CNTN1: variants seen among roughly 807,000 people sequenced by gnomAD.
CNTN1 encodes the protein contactin 1.
A neutral mutation model predicts 126.4 loss-of-function variants in CNTN1; 38 were observed. The ratio of observed to expected loss-of-function variants is 0.30; its 90% CI spans 0.23 to 0.39. The LOEUF (loss-of-function observed/expected upper bound fraction) is 0.39. CNTN1 is among the 10% of genes least tolerant of loss of function. The probability of loss-of-function intolerance (pLI) is 1.00; values close to 1 mark genes in which losing one functional copy is unlikely to be tolerated. For missense variants in CNTN1, 1,009 were observed against 1,248.4 expected (o/e 0.81, Z 2.89); for synonymous variants, 413 against 422.6 (o/e 0.98, Z 0.28).
intron 9 of CNTN1, among the ~76,000 whole-genome samples, chr12:40,936,050 T>C (rs1023754043): frequency 2.6e-5 from 4 of 152,154 alleles, no homozygotes; most frequent in African/African-American, 9.6e-5. Flanking sequence ...TTATTTGGAC[T>C]AGATAACTGA....
At chr12:40,931,762 G>A (rs1342728291) in intron 7 of CNTN1, among the ~76,000 whole-genome samples, 2 of 151,866 alleles carry the variant, frequency 1.3e-5, no homozygotes, top group South Asian at 2.1e-4. Flanking sequence ...AATAATGCAG[G>A]ACCCAGAGAT....
intron 1 of CNTN1, among the ~76,000 whole-genome samples, chr12:40,811,584 C>T (rs1043624565): frequency 8.0e-5 from 12 of 150,786 alleles, no homozygotes; most frequent in African/African-American, 2.2e-4. Context: ...GATTGCCTTA[C>T]TTGTATTTGT....
At chr12:40,846,100 G>GA (rs750288614) in intron 1 of CNTN1, among the ~76,000 whole-genome samples, 2 of 152,142 alleles carry the variant, frequency 1.3e-5, no homozygotes, top group Non-Finnish European at 2.9e-5. Flanking sequence ...GAGGAAGTTA[G>GA]AAAAACAGTA....
chr12:41,063,326 C>G (rs191857981), intron 23 of CNTN1, among the ~76,000 whole-genome samples: 1 of 152,318 alleles, frequency 6.6e-6, no homozygotes, highest in African/African-American at 2.4e-5. Flanking sequence ...TCCTGAAACA[C>G]GTTTTTCCAA....
intron 1 of CNTN1, among the ~76,000 whole-genome samples, chr12:40,769,029 C>T (rs1285477342): frequency 6.6e-6 from 1 of 151,954 alleles, no homozygotes; most frequent in Non-Finnish European, 1.5e-5. Context: ...CAGCATGAAC[C>T]AATCATCCCA....
rs375917799 is a variant in CNTN1 at position 41,042,304 on chromosome 12, T to C, written c.2980+13085T>C. ...GACAGTTTGTTATAATTTCTGTTCT[T>C]TTACATTTGCTGAGGAGTGCTTTAC... On this transcript the variant is annotated intron_variant, in intron 23 of 23. Coordinates refer to ENST00000551295, the MANE Select transcript of CNTN1 (RefSeq NM_001843.4). Among the ~76,000 whole-genome samples the C allele has an allele frequency of 7.9e-4, 121 of 152,258 alleles. 2 individuals carry two copies. The South Asian group carries it at 0.023, about 29-fold the overall frequency.
intron 1 of CNTN1, among the ~76,000 whole-genome samples, chr12:40,813,483 T>C (rs1941159645): frequency 6.6e-6 from 1 of 151,816 alleles, no homozygotes; most frequent in African/African-American, 2.4e-5. Context: ...GTGAGATCGA[T>C]GCCTTCCAAC....
chr12:40,813,105 T>A (rs1592115514), intron 1 of CNTN1, among the ~76,000 whole-genome samples: 1 of 147,492 alleles, frequency 6.8e-6, no homozygotes, highest in Admixed American at 6.8e-5. Context: ...CTCTTTCTTT[T>A]TTTCTTTCTT....
At chr12:40,884,040 C>A (rs909187112) in intron 1 of CNTN1, among the ~76,000 whole-genome samples, 2 of 151,306 alleles carry the variant, frequency 1.3e-5, no homozygotes, top group Non-Finnish European at 3.0e-5. Flanking sequence ...AATAATCATG[C>A]TTTGGTGTTA....
intron 12 of CNTN1, among the ~76,000 whole-genome samples, chr12:40,943,368 C>T (rs902130271): frequency 3.3e-5 from 5 of 151,706 alleles, no homozygotes; most frequent in Non-Finnish European, 4.4e-5. Context: ...TAGAAGACTA[C>T]GGCAATAGTT....
intron 1 of CNTN1, among the ~76,000 whole-genome samples, chr12:40,756,932 G>C (rs182833237): frequency 2.6e-5 from 4 of 152,190 alleles, no homozygotes; most frequent in African/African-American, 9.6e-5. Flanking sequence ...CCAGACTTGT[G>C]ATTACAGCCA....
intron 1 of CNTN1, among the ~76,000 whole-genome samples, chr12:40,835,799 T>TAC (rs10556497): frequency 0.23 from 32,804 of 142,248 alleles, 3,776 homozygotes; most frequent in East Asian, 0.46. Context: ...ATGCTATTTA[T>TAC]ACACACACAC....
chr12:40,791,715 C>T (rs933564604), intron 1 of CNTN1, among the ~76,000 whole-genome samples: 1 of 152,038 alleles, frequency 6.6e-6, no homozygotes, highest in Admixed American at 6.6e-5. Flanking sequence ...TACAAGATAA[C>T]GTAGATGTCA....
intron 1 of CNTN1, among the ~76,000 whole-genome samples, chr12:40,819,068 A>G (rs1050193919): frequency 6.6e-6 from 1 of 151,834 alleles, no homozygotes; most frequent in Admixed American, 6.6e-5. Context: ...TTCTTCTGGG[A>G]CCTCTGCCCT....
In CNTN1 at chr12:41,070,949, A is replaced by C. The variant is rs1157339786; in HGVS notation, c.*914A>C. The C allele has an allele frequency of 6.6e-6, 1 of 152,090 alleles. No homozygotes were observed. Among genetic ancestry groups the C allele is most frequent in the Non-Finnish European group, 1.5e-5 (1 of 67,998 alleles). The allele number at this position is 152,090 out of a possible 1,614,324, so 9.4% of individuals were successfully genotyped here. A position where few individuals can be genotyped will look rare whatever the true frequency, so the allele number is the denominator to read the frequency against. On this transcript the variant is annotated 3_prime_UTR_variant, in exon 24 of 24. Transcript: ENST00000551295. ...CATGGTTAGGAATAAGTGACAGTTA[A>C]GTGAATATCACAATTACTAGTATGT...
At chr12:40,955,398 A>G (rs569038358) in intron 14 of CNTN1, among the ~76,000 whole-genome samples, 2 of 152,174 alleles carry the variant, frequency 1.3e-5, no homozygotes, top group South Asian at 4.1e-4. Context: ...AAATTTTCAC[A>G]CCTTCCCAAT....
intron 4 of CNTN1, 128 bp downstream of exon 4, chr12:40,918,899 G>A: frequency 8.8e-7 from 1 of 1,132,284 alleles, no homozygotes; most frequent in Non-Finnish European, 1.3e-6. Flanking sequence ...AAAAATATTG[G>A]CATACAAACT....
At chr12:41,020,241 G>A in intron 19 of CNTN1, 96 bp from the exon 20 acceptor site, 1 of 730,672 alleles carries the variant, frequency 1.4e-6, no homozygotes, top group Non-Finnish European at 2.3e-6. Flanking sequence ...TAAAATTAAA[G>A]TATGGTCCAA....
chr12:40,964,559 T>C (rs1221509310), intron 15 of CNTN1, among the ~76,000 whole-genome samples: 1 of 150,904 alleles, frequency 6.6e-6, no homozygotes, highest in African/African-American at 2.4e-5. Context: ...TGTGTGTGTG[T>C]GCATGCAGCT....
Sources: allele counts gnomAD v4.1 joint callset (sites outside exome capture counted in the v4.1 genomes callset), GRCh38; gene constraint gnomAD v4.1.1; transcripts MANE v1.5; gene names NCBI Gene and HGNC (gene_info 2026-07-23, HGNC 2026-07-21).